Variants in CATSPERD observed in about 807,000 individuals in gnomAD.
CATSPERD encodes cation channel sperm-associated auxiliary subunit delta.
In CATSPERD, 86 loss-of-function variants were observed where a neutral mutation model predicts 98.1. That is an observed-to-expected ratio of 0.88 (90% CI 0.74 to 1.05). CATSPERD has a LOEUF of 1.05. Ranked by LOEUF, CATSPERD falls within the 50% of genes least tolerant of loss-of-function variation. The pLI is 0.00. For missense variants in CATSPERD, 995 were observed against 1,005.7 expected (o/e 0.99, Z 0.14); for synonymous variants, 394 against 390.2 (o/e 1.01, Z -0.12).
intron 15 of CATSPERD, 54 bp from the exon 16 acceptor site, chr19:5,763,161 G>A: frequency 7.5e-7 from 1 of 1,328,518 alleles, no homozygotes; most frequent in Non-Finnish European, 1.1e-6. Context: ...GAATGCAGCT[G>A]TGTCGTTTAC....
intron 4 of CATSPERD, among the ~76,000 whole-genome samples, chr19:5,731,644 C>T (rs903253225): frequency 8.4e-4 from 105 of 125,388 alleles, no homozygotes; most frequent in African/African-American, 3.0e-3. Context: ...GGCGCAATCT[C>T]GGCTCACTGC....
At chr19:5,723,654 C>T (rs1599500090) in intron 1 of CATSPERD, among the ~76,000 whole-genome samples, 1 of 151,408 alleles carries the variant, frequency 6.6e-6, no homozygotes, top group East Asian at 1.9e-4. Context: ...TTAGTAGAGA[C>T]GGGGTTTCAC....
rs779408731 is a variant in CATSPERD at position 5,733,984 on chromosome 19, G to C, written c.391+14G>C. ...GCATGTCTTTAGGTATGTACATTTT[G>C]TATTTTTAAATTTTGTTTGAGTGTA... On this transcript the variant is annotated intron_variant, in intron 5 of 21. Transcript: ENST00000381624. 21 of 1,532,546 alleles carry C rather than the reference G, an allele frequency of 1.4e-5. No homozygotes were observed. Among genetic ancestry groups the C allele is most frequent in the Non-Finnish European group, 1.8e-5 (20 of 1,119,086 alleles). The allele number at this position is 1,532,546 out of a possible 1,614,324, so 94.9% of individuals were successfully genotyped here. A position where few individuals can be genotyped will look rare whatever the true frequency, so the allele number is the denominator to read the frequency against.
At chr19:5,731,566 T>TTTTTTTG (rs2055721006) in intron 4 of CATSPERD, among the ~76,000 whole-genome samples, 1 of 110,616 alleles carries the variant, frequency 9.0e-6, no homozygotes, top group Admixed American at 9.2e-5. Context: ...AACAGTTTTT[T>TTTTTTTG]TTTTTTTTTT....
Position 5,754,247 on chromosome 19 carries a change from T to C in CATSPERD, c.1278+2T>C, listed in dbSNP as rs1381457384. ...CCAGGCACATCCCTGATTCCTCTGG[T>C]AAGTACATCTTAATGTTTCTGCTAT... On this transcript the variant is annotated splice_donor_variant, in intron 13 of 21. Coordinates refer to ENST00000381624, the MANE Select transcript of CATSPERD (RefSeq NM_152784.4). LOFTEE classifies it high-confidence loss of function. 1 of 1,600,640 alleles carries C rather than the reference T, an allele frequency of 6.2e-7. No homozygotes were observed. Among genetic ancestry groups the C allele is most frequent in the Non-Finnish European group, 8.6e-7 (1 of 1,167,986 alleles).
rs556421755 is a variant in CATSPERD, at chr19:5,772,891, A to G, written c.1867A>G (p.Met623Val). Residue 623 changes from methionine to valine, a missense_variant, in exon 20 of 22, where the codon ATG (methionine) becomes GTG (valine). Physicochemically the swap from Met to Val is conservative, Grantham distance 21 (BLOSUM62 1). Around this residue, in one of 3 missense-constraint regions of CATSPERD, gnomAD observed 762 missense variants for 773.7 expected, o/e 0.98. Coordinates refer to ENST00000381624, the MANE Select transcript of CATSPERD (RefSeq NM_152784.4). Reference sequence around the variant, plus strand: ...CTATTCCCTGACGGCCCAGTCGGCCATGTGTACCTCCCAGCCGCAGAACTG... The same window carrying G: ...CTATTCCCTGACGGCCCAGTCGGCCGTGTGTACCTCCCAGCCGCAGAACTG... ...YSYSLTAQSA[M>V]CTSQPQNWTT... The G allele has an allele frequency of 6.2e-7, 1 of 1,614,120 alleles. No individual in the cohort carries two copies. The highest frequency in any genetic ancestry group is 1.3e-5 in the African/African-American group (1 of 75,044).
chr19:5,755,773 CAATAAATA>C (rs34152865), intron 13 of CATSPERD, among the ~76,000 whole-genome samples: 2 of 148,942 alleles, frequency 1.3e-5, no homozygotes, highest in East Asian at 2.0e-4. Context: ...GACTCTGTCT[CAATAAATA>C]AATAAATAAA....
chr19:5,767,765 CT>C (rs57999661), intron 17 of CATSPERD, among the ~76,000 whole-genome samples: 2 of 114,478 alleles, frequency 1.7e-5, no homozygotes, highest in African/African-American at 6.2e-5. Flanking sequence ...CCTGCCCTCC[CT>C]TTTTTATTTG....
chr19:5,734,117 G>T (rs2055792000), intron 5 of CATSPERD, 147 bp downstream of exon 5: 2 of 582,284 alleles, frequency 3.4e-6, no homozygotes, highest in South Asian at 4.3e-5. Flanking sequence ...ATGAAAATTG[G>T]CCTGAGTCCC....
chr19:5,738,352 C>CAAAAA (rs767298084), intron 6 of CATSPERD, among the ~76,000 whole-genome samples: 78 of 104,812 alleles, frequency 7.4e-4, no homozygotes, highest in East Asian at 2.8e-3. Flanking sequence ...ACTCAAAATA[C>CAAAAA]AAAAAAAAAA....
chr19:5,733,966 T>C lies in CATSPERD; in HGVS notation c.387T>C (p.Ser129=), dbSNP rs763908775. 3.8e-5 allele frequency: 60 copies of C among 1,566,460 alleles called. No homozygotes were observed. Among genetic ancestry groups the C allele is most frequent in the Non-Finnish European group, 4.6e-5 (53 of 1,142,564 alleles). The part of the protein sequence containing the change: ...YDYENNSWSM[S]LGIKHPVTHV... ...ATGAAAATAATTCTTGGAGCATGTC[T>C]TTAGGTATGTACATTTTGTATTTTT... Residue 129 remains serine, a synonymous_variant, in exon 5 of 22, where the codon TCT becomes TCC. Transcript: ENST00000381624.
chr19:5,760,652 T>A (rs1355165438), intron 15 of CATSPERD, among the ~76,000 whole-genome samples: 2 of 151,920 alleles, frequency 1.3e-5, no homozygotes, highest in Non-Finnish European at 2.9e-5. Context: ...ATGAGAAACT[T>A]CTGGAGATGG....
rs774900659 is a variant in CATSPERD, at chr19:5,757,989, TCCTTC to T, written c.1368+62_1368+66del. ...TGTCCCTTGAGAGGCCCCCTCTTCC[TCCTTC>T]CCTTATCAGCATAAAAATTTAGGAG... On this transcript the variant is annotated intron_variant, in intron 14 of 21. Transcript: ENST00000381624. The T allele has an allele frequency of 8.3e-4, 1,193 of 1,431,538 alleles. 4 individuals carry two copies. Among genetic ancestry groups the T allele is most frequent in the Non-Finnish European group, 9.0e-4 (929 of 1,034,638 alleles). The allele number at this position is 1,431,538 out of a possible 1,614,324, so 88.7% of individuals were successfully genotyped here.
chr19:5,749,053 A>C (rs1362583730), intron 10 of CATSPERD, 48 bp from the exon 11 acceptor site: 2 of 1,523,830 alleles, frequency 1.3e-6, no homozygotes, highest in Admixed American at 3.4e-5. Flanking sequence ...TGTCCACAGA[A>C]ATGACCAGCA....
At chr19:5,740,478 C>G (rs1307860684) in intron 7 of CATSPERD, among the ~76,000 whole-genome samples, 2 of 148,766 alleles carry the variant, frequency 1.3e-5, no homozygotes, top group Admixed American at 1.3e-4. Flanking sequence ...TCCCAGCTAC[C>G]CGGGAGGCTG....
chr19:5,766,289 G>GGA, intron 17 of CATSPERD, 134 bp downstream of exon 17: 3 of 241,616 alleles, frequency 1.2e-5, no homozygotes, highest in South Asian at 1.6e-4. Flanking sequence ...CGTCTCTACT[G>GGA]AAAAAAAAAA....
intron 19 of CATSPERD, chr19:5,772,180 T>TGGGACTGCAGTTGCATACCACAATGCC (rs1290815168): frequency 2.5e-6 from 1 of 398,080 alleles, no homozygotes; most frequent in East Asian, 8.0e-5. Flanking sequence ...CCCAAGTAGC[T>TGGGACTGCAGTTGCATACCACAATGCC]GGGACTGCAG....
chr19:5,770,810 C>T (rs2056629491), intron 18 of CATSPERD, 134 bp from the exon 19 acceptor site: 2 of 1,052,118 alleles, frequency 1.9e-6, no homozygotes, highest in Non-Finnish European at 2.8e-6. Context: ...CTCTCAATCG[C>T]CCACCTCAGA....
At chr19:5,723,197 A>AG (rs1481577001) in intron 1 of CATSPERD, among the ~76,000 whole-genome samples, 14 of 149,694 alleles carry the variant, frequency 9.4e-5, no homozygotes, top group Non-Finnish European at 1.9e-4. Context: ...AAAAAAAAAA[A>AG]AAAGAAAAAG....
Sources: gnomAD v4.1 joint callset for allele counts (sites outside exome capture counted in the v4.1 genomes callset) on GRCh38, gnomAD v4.1.1 for gene constraint, gnomAD v4.1.1 regional missense constraint, MANE v1.5 for transcripts, NCBI Gene and HGNC (gene_info 2026-07-23, HGNC 2026-07-21) for gene names.